The following FAM120A variants were observed in gnomAD, a reference collection of about 807,000 sequenced individuals.
FAM120A encodes family with sequence similarity 120 member A.
Under a neutral mutation model 109.7 loss-of-function variants are expected in FAM120A, and 15 were observed. That is an observed-to-expected ratio of 0.14 (90% CI 0.09 to 0.21). The LOEUF (loss-of-function observed/expected upper bound fraction) is 0.21. Ranked by LOEUF, FAM120A falls within the 10% of genes least tolerant of loss-of-function variation. The pLI is 1.00. For missense variants in FAM120A, 899 were observed against 1,439.3 expected, an observed-to-expected ratio of 0.62 and a Z score of 6.07; for synonymous variants, 493 against 572.8, an observed-to-expected ratio of 0.86 and a Z score of 1.99.
At chr9:93,550,012 T>C (rs1862037502) in intron 11 of FAM120A, among the ~76,000 whole-genome samples, 2 of 152,172 alleles carry the variant, frequency 1.3e-5, no homozygotes, top group East Asian at 3.8e-4. Context: ...CACTTCAGGG[T>C]GGGCACATTT....
At chr9:93,458,898 C>A (rs960630424) in intron 1 of FAM120A, among the ~76,000 whole-genome samples, 2 of 152,178 alleles carry the variant, frequency 1.3e-5, no homozygotes, top group Non-Finnish European at 2.9e-5. Flanking sequence ...GACTTGTAGA[C>A]CTTCCTGCGA....
chr9:93,468,337 G>C (rs1393239597), intron 1 of FAM120A, among the ~76,000 whole-genome samples: 1 of 152,200 alleles, frequency 6.6e-6, no homozygotes, highest in Non-Finnish European at 1.5e-5. Flanking sequence ...GGTGCTTGCT[G>C]GCTGCCAGCA....
intron 12 of FAM120A, among the ~76,000 whole-genome samples, chr9:93,553,629 A>G (rs1862180879): frequency 6.6e-6 from 1 of 152,202 alleles, no homozygotes; most frequent in Non-Finnish European, 1.5e-5. Context: ...ATGATATTGA[A>G]TATTTTATCT....
In FAM120A at chr9:93,564,254, CAGA is replaced by C. The variant is rs776902527; in HGVS notation, c.3077_3079del (p.Glu1026del). The C allele has an allele frequency of 2.2e-5, 35 of 1,612,892 alleles. No homozygotes were observed. In the African/African-American group the frequency reaches 2.3e-4, roughly 10 times the overall value. On this transcript the variant is annotated inframe_deletion, in exon 18 of 18. Coordinates refer to ENST00000277165, the MANE Select transcript of FAM120A (RefSeq NM_014612.5). ...GGCAGACCTCCTTATGCTGCTTCAG[CAGA>C]AGAAGTGGCCAAAGAACTTAAGTCA...
At chr9:93,529,306 A>C (rs750610631) in intron 8 of FAM120A, 47 bp from the exon 9 acceptor site, 1 of 1,496,468 alleles carries the variant, frequency 6.7e-7, no homozygotes, top group Non-Finnish European at 9.0e-7. Flanking sequence ...AATGAATGAA[A>C]ACATGACATA....
chr9:93,564,188 C>G, intron 17 of FAM120A, 41 bp from the exon 18 acceptor site: 1 of 1,573,174 alleles, frequency 6.4e-7, no homozygotes, highest in Non-Finnish European at 8.7e-7. Flanking sequence ...TTCTGTTTAT[C>G]AGAAACCACC....
chr9:93,507,164 G>A (rs62574548), intron 5 of FAM120A, among the ~76,000 whole-genome samples: 1 of 152,208 alleles, frequency 6.6e-6, no homozygotes, highest in Non-Finnish European at 1.5e-5. Context: ...AACTCTTTCA[G>A]TATTGAGGCA....
intron 10 of FAM120A, among the ~76,000 whole-genome samples, chr9:93,543,018 G>A (rs935941550): frequency 6.6e-6 from 1 of 152,152 alleles, no homozygotes; most frequent in Non-Finnish European, 1.5e-5. Context: ...CTGAAAATCT[G>A]AATGAGCCAT....
chr9:93,463,433 C>CTT (rs1857881286), intron 1 of FAM120A, among the ~76,000 whole-genome samples: 1 of 152,178 alleles, frequency 6.6e-6, no homozygotes, highest in South Asian at 2.1e-4. Context: ...AGAGAGATTT[C>CTT]TTTTTAGAGG....
chr9:93,524,642 G>A (rs971933950), intron 7 of FAM120A, among the ~76,000 whole-genome samples: 6 of 152,210 alleles, frequency 3.9e-5, no homozygotes, highest in African/African-American at 1.4e-4. Context: ...TGTAGCGTCG[G>A]CTCGGCTCTG....
chr9:93,545,498 C>G (rs1250870662), intron 11 of FAM120A, among the ~76,000 whole-genome samples: 1 of 152,170 alleles, frequency 6.6e-6, no homozygotes, highest in East Asian at 1.9e-4. Flanking sequence ...TGGTGCAGTC[C>G]CTATTGCCCC....
At chr9:93,455,974 T>A (rs1460797812) in intron 1 of FAM120A, among the ~76,000 whole-genome samples, 2 of 152,210 alleles carry the variant, frequency 1.3e-5, no homozygotes. Flanking sequence ...AGAAATCTTT[T>A]TTGATTTAGA....
intron 3 of FAM120A, among the ~76,000 whole-genome samples, chr9:93,482,107 A>T (rs141608886): frequency 3.6e-4 from 55 of 151,162 alleles, no homozygotes; most frequent in African/African-American, 1.3e-3. Flanking sequence ...TTTTACCAGC[A>T]TTATCTTTCC....
chr9:93,485,835 TTCTGTC>T (rs1405939690), intron 3 of FAM120A, among the ~76,000 whole-genome samples: 1 of 152,116 alleles, frequency 6.6e-6, no homozygotes, highest in Non-Finnish European at 1.5e-5. Flanking sequence ...CTAATATGAC[TTCTGTC>T]TCTATGGATT....
At chr9:93,561,059 T>C (rs757319731) in intron 15 of FAM120A, 50 bp from the exon 16 acceptor site, 1 of 1,598,080 alleles carries the variant, frequency 6.3e-7, no homozygotes, top group Non-Finnish European at 8.6e-7. Flanking sequence ...TTTGCTATTC[T>C]TAATTCTGTG....
chr9:93,541,027 GCT>G (rs1337994056), intron 10 of FAM120A, among the ~76,000 whole-genome samples: 1 of 151,614 alleles, frequency 6.6e-6, no homozygotes, highest in African/African-American at 2.4e-5. Context: ...CTAAACCCAT[GCT>G]CTGTGTGTGG....
chr9:93,529,906 T>C, intron 9 of FAM120A: 1 of 539,744 alleles, frequency 1.9e-6, no homozygotes, highest in Non-Finnish European at 3.3e-6. Flanking sequence ...TCTTAAACCA[T>C]ATTTGTGCTG....
chr9:93,556,349 T>C, intron 12 of FAM120A, 33 bp from the exon 13 acceptor site: 1 of 1,555,254 alleles, frequency 6.4e-7, no homozygotes, highest in Non-Finnish European at 8.9e-7. Context: ...GTAGTACTCT[T>C]ATTCCATAGA....
At chr9:93,517,788 G>A (rs944494156) in intron 7 of FAM120A, among the ~76,000 whole-genome samples, 1 of 152,188 alleles carries the variant, frequency 6.6e-6, no homozygotes, top group African/African-American at 2.4e-5. Context: ...TGTTCCTCCG[G>A]TGGGGAGGGA....
Sources: gnomAD v4.1 joint callset for allele counts (sites outside exome capture counted in the v4.1 genomes callset) on GRCh38, gnomAD v4.1.1 for gene constraint, MANE v1.5 for transcripts, NCBI Gene and HGNC (gene_info 2026-07-23, HGNC 2026-07-21) for gene names.